SV2C: variants seen among roughly 807,000 people sequenced by gnomAD.
SV2C encodes solute carrier family 22 member B3.
In SV2C, 49 loss-of-function variants were observed where a neutral mutation model predicts 79.7. The observed-to-expected ratio is 0.61, with a 90% CI of 0.49 to 0.78. The LOEUF is 0.78. SV2C is among the 30% of genes least tolerant of loss of function. The pLI, the probability that SV2C is intolerant of heterozygous loss-of-function variation, is 0.00. For synonymous variants in SV2C, 334 were observed against 333.2 expected, an observed-to-expected ratio of 1.00 and a Z score of -0.03; for missense variants, 833 against 912.9, an observed-to-expected ratio of 0.91 and a Z score of 1.13.
chr5:76,274,469 A>G (rs1746962983), intron 4 of SV2C, among the ~76,000 whole-genome samples: 1 of 152,144 alleles, frequency 6.6e-6, no homozygotes, highest in Non-Finnish European at 1.5e-5. Context: ...TTATGTATAT[A>G]TATAAATGAA....
chr5:76,105,840 G>A (rs560180936), intron 1 of SV2C, among the ~76,000 whole-genome samples: 17 of 152,000 alleles, frequency 1.1e-4, no homozygotes, highest in African/African-American at 3.1e-4. Context: ...GCTGGTTTAC[G>A]CTCTTCTCCC....
the SV2C span, among the ~76,000 whole-genome samples, chr5:75,877,145 A>C: frequency 3.4e-4 from 52 of 152,244 alleles, no homozygotes; most frequent in Middle Eastern, 6.8e-3. Flanking sequence ...TGGAGTGGCT[A>C]TACTGATAAT....
At chr5:76,303,147 T>G (rs1329369693) in intron 12 of SV2C, among the ~76,000 whole-genome samples, 1 of 152,182 alleles carries the variant, frequency 6.6e-6, no homozygotes, top group African/African-American at 2.4e-5. Context: ...TCAAATATTC[T>G]AGTTCAGACC....
intron 1 of SV2C, among the ~76,000 whole-genome samples, chr5:76,088,520 TC>T (rs2112091264): frequency 6.6e-6 from 1 of 152,228 alleles, no homozygotes; most frequent in Non-Finnish European, 1.5e-5. Context: ...GCACCTCCCT[TC>T]AGCGTCTTTG....
At chr5:75,886,617 A>G in the SV2C span, among the ~76,000 whole-genome samples, 1 of 152,160 alleles carries the variant, frequency 6.6e-6, no homozygotes, top group Non-Finnish European at 1.5e-5. Context: ...AACACCATCT[A>G]TGGTCTGGGG....
the SV2C span, chr5:75,921,728 G>A: frequency 9.3e-6 from 4 of 430,766 alleles, no homozygotes; most frequent in Non-Finnish European, 1.7e-5. Context: ...AAATATTTGA[G>A]GCTCTCTAGC....
chr5:76,061,268 T>TAAAAAAAAAAAAAAAAAAAAAAAAAAA, the SV2C span, among the ~76,000 whole-genome samples: 1 of 51,618 alleles, frequency 1.9e-5, no homozygotes. Flanking sequence ...CTTCAATTTG[T>TAAAAAAAAAAAAAAAAAAAAAAAAAAA]AAAAAAAAAA....
chr5:76,073,544 T>TAC, the SV2C span, among the ~76,000 whole-genome samples: 163 of 121,062 alleles, frequency 1.3e-3, 1 homozygote, highest in Middle Eastern at 4.6e-3. Flanking sequence ...TATATATATA[T>TAC]ACACCATGGA....
At chr5:76,319,537 G>A (rs1335103822) in intron 12 of SV2C, among the ~76,000 whole-genome samples, 2 of 152,184 alleles carry the variant, frequency 1.3e-5, no homozygotes, top group South Asian at 2.1e-4. Context: ...ACTAATTTAC[G>A]GAGGCTGTGT....
chr5:76,267,967 C>T (rs1746719418), intron 4 of SV2C, among the ~76,000 whole-genome samples: 1 of 152,148 alleles, frequency 6.6e-6, no homozygotes, highest in Admixed American at 6.5e-5. Flanking sequence ...ATCCCTGGGT[C>T]CCAGCCCAGC....
chr5:75,848,440 GAGA>G, the SV2C span, among the ~76,000 whole-genome samples: 1 of 152,208 alleles, frequency 6.6e-6, no homozygotes, highest in African/African-American at 2.4e-5. Flanking sequence ...CTGCCCTGGG[GAGA>G]AGGATGAAGG....
At chr5:76,000,154 A>G in the SV2C span, among the ~76,000 whole-genome samples, 1 of 152,180 alleles carries the variant, frequency 6.6e-6, no homozygotes, top group Non-Finnish European at 1.5e-5. Flanking sequence ...AAACACTCTC[A>G]CAGACACACC....
chr5:76,337,016 TA>T (rs1199908552), downstream of SV2C, among the ~76,000 whole-genome samples: 20 of 152,212 alleles, frequency 1.3e-4, no homozygotes, highest in Admixed American at 9.2e-4. Flanking sequence ...CAAGGCAACA[TA>T]AGTCTTGAGG....
intron 1 of SV2C, among the ~76,000 whole-genome samples, chr5:76,107,226 G>A (rs2112131192): frequency 6.6e-6 from 1 of 152,258 alleles, no homozygotes; most frequent in East Asian, 1.9e-4. Context: ...TAATTTAGGA[G>A]CAACAGAGTG....
chr5:75,887,617 C>G, the SV2C span, among the ~76,000 whole-genome samples: 2 of 152,146 alleles, frequency 1.3e-5, no homozygotes, highest in African/African-American at 4.8e-5. Flanking sequence ...CTTGCTGCTT[C>G]TTGCTCATTC....
At chr5:75,984,557 CTATCTATCTATA>C in the SV2C span, among the ~76,000 whole-genome samples, 1 of 92,958 alleles carries the variant, frequency 1.1e-5, no homozygotes. Context: ...ATCTATCTAT[CTATCTATCTATA>C]TCTATCTATC....
chr5:76,245,493 A>C (rs765140975), intron 4 of SV2C, among the ~76,000 whole-genome samples: 2 of 152,234 alleles, frequency 1.3e-5, no homozygotes, highest in Non-Finnish European at 2.9e-5. Flanking sequence ...CTTTTATGGG[A>C]GCCTACAAGA....
intron 3 of SV2C, among the ~76,000 whole-genome samples, chr5:76,204,612 A>T (rs1173810794): frequency 6.6e-6 from 1 of 152,240 alleles, no homozygotes; most frequent in African/African-American, 2.4e-5. Flanking sequence ...AAAGCAGAAT[A>T]GAATTACTCA....
chr5:75,963,614 T>C, the SV2C span, among the ~76,000 whole-genome samples: 31 of 152,262 alleles, frequency 2.0e-4, no homozygotes, highest in East Asian at 5.2e-3. Context: ...GGTTCCAACA[T>C]TTTACCATGG....
Sources: gnomAD v4.1 joint callset for allele counts (sites outside exome capture counted in the v4.1 genomes callset) on GRCh38, gnomAD v4.1.1 for gene constraint, MANE v1.5 for transcripts, NCBI Gene and HGNC (gene_info 2026-07-23, HGNC 2026-07-21) for gene names.